BNIP1: variants seen among roughly 807,000 people sequenced by gnomAD.
BNIP1 encodes BCL2 interacting protein 1.
Under a neutral mutation model 28.5 loss-of-function variants are expected in BNIP1, and 25 were observed. The observed-to-expected ratio is 0.88, with a 90% CI of 0.64 to 1.23. The LOEUF (loss-of-function observed/expected upper bound fraction) is 1.23, where lower values mean the gene tolerates loss of function less well. BNIP1 is among the 50% of genes most tolerant of loss of function. BNIP1 has a pLI of 0.00. For synonymous variants in BNIP1, 118 were observed against 101.7 expected (o/e 1.16, Z -0.96); for missense variants, 276 against 277.0 (o/e 1.00, Z 0.02).
In BNIP1 at chr5:173,148,086, ATATAT is replaced by A. The variant is rs1759909119; in HGVS notation, c.177+1129_177+1133del. 3.3e-3 allele frequency among the ~76,000 whole-genome samples: 76 copies of A among 23,104 alleles called. 1 individual carries two copies. The highest frequency in any genetic ancestry group is 4.0e-3 in the African/African-American group (18 of 4,548). 15.2% of individuals were successfully genotyped at this position (23,104 alleles called of 152,430 possible). ...TCAAAAAAAAAAAAAAAAAAAAAAT[ATATAT>A]ATATATATATATATATATATATATA... On this transcript the variant is annotated intron_variant, in intron 2 of 5. Coordinates refer to ENST00000351486, the MANE Select transcript of BNIP1 (RefSeq NM_001205.3).
intron 2 of BNIP1, among the ~76,000 whole-genome samples, chr5:173,148,726 G>A (rs1186223924): frequency 6.7e-6 from 1 of 149,388 alleles, no homozygotes; most frequent in Non-Finnish European, 1.5e-5. Context: ...CCCTCTACTT[G>A]AAGCACTAGG....
intron 2 of BNIP1, among the ~76,000 whole-genome samples, chr5:173,147,571 T>C (rs1283434369): frequency 2.2e-5 from 3 of 135,778 alleles, no homozygotes; most frequent in Non-Finnish European, 3.3e-5. Flanking sequence ...ACTACCTCAA[T>C]CCATCACACT....
intron 2 of BNIP1, among the ~76,000 whole-genome samples, chr5:173,150,263 A>C (rs984653325): frequency 5.9e-5 from 9 of 152,112 alleles, no homozygotes; most frequent in African/African-American, 2.2e-4. Context: ...GTCTCAAAAA[A>C]AAAAAAAAAA....
rs544152001 is a variant in BNIP1 at position 173,147,698 on chromosome 5, T to G, written c.177+740T>G. 2.0e-4 allele frequency among the ~76,000 whole-genome samples: 31 copies of G among 152,170 alleles called. No individual in the cohort carries two copies. In the East Asian group the frequency reaches 5.0e-3, roughly 25 times the overall value. On this transcript the variant is annotated intron_variant, in intron 2 of 5. Coordinates refer to ENST00000351486, the MANE Select transcript of BNIP1 (RefSeq NM_001205.3). ...ATTCAAGTATGGTATATGTGCTGTC[T>G]CAAAAAACACTAGAGGGTGACAAGT... is the stretch of plus-strand genomic sequence containing the variant.
At position 173,159,987 on chromosome 5, in the gene BNIP1, C is replaced by T; in HGVS notation, c.426C>T (p.Leu142=). Reference sequence around the variant, plus strand: ...CATCCAGTACCATCACTGAGAGCCTCATGGGGATCAGCAGGATGATGGCCC... The same window carrying T: ...CATCCAGTACCATCACTGAGAGCCTTATGGGGATCAGCAGGATGATGGCCC... ...AQTSSTITES[L]MGISRMMAQQ... Residue 142 remains leucine (L), a synonymous_variant, in exon 5 of 6, where the codon CTC becomes CTT. Transcript: ENST00000351486. 1 of 1,614,122 alleles carries T rather than the reference C, an allele frequency of 6.2e-7. No homozygotes were observed. The highest frequency in any genetic ancestry group is 2.2e-5 in the East Asian group (1 of 44,872).
chr5:173,154,288 A>T, intron 2 of BNIP1, 34 bp from the exon 3 acceptor site: 1 of 1,588,878 alleles, frequency 6.3e-7, no homozygotes, highest in Non-Finnish European at 8.6e-7. Context: ...TGACTTTTGA[A>T]ATCATTTTAA....
chr5:173,162,860 C>T (rs1348825112), intron 5 of BNIP1, among the ~76,000 whole-genome samples: 3 of 152,184 alleles, frequency 2.0e-5, no homozygotes, highest in Non-Finnish European at 2.9e-5. Flanking sequence ...CAGAGGCAAC[C>T]TCTGTAACCA....
chr5:173,144,740 A>ATGGGGCGGAGCCTGTGGT, intron 1 of BNIP1, 111 bp downstream of exon 1: 1 of 1,145,958 alleles, frequency 8.7e-7, no homozygotes, highest in Non-Finnish European at 1.2e-6. Flanking sequence ...TTCCCAGACC[A>ATGGGGCGGAGCCTGTGGT]CAGGCTCCGC....
At chr5:173,145,875 A>G (rs1324171981) in intron 1 of BNIP1, among the ~76,000 whole-genome samples, 29 of 152,236 alleles carry the variant, frequency 1.9e-4, no homozygotes, top group Admixed American at 1.6e-3. Context: ...GGTGCAAAGA[A>G]GTGTGATTAA....
At chr5:173,153,431 G>A (rs1760080921) in intron 2 of BNIP1, among the ~76,000 whole-genome samples, 1 of 152,052 alleles carries the variant, frequency 6.6e-6, no homozygotes, top group Non-Finnish European at 1.5e-5. Context: ...GTTTCACCAT[G>A]TTAGCCAGGA....
At position 173,164,368 on chromosome 5, in the gene BNIP1, G is replaced by A. The variant is rs5745177; in HGVS notation, c.*447G>A. The stretch of plus-strand genomic sequence containing the variant: ...TTGATTTTATTTAATAGAATAAAAT[G>A]TATTTGATTTTGTAAGATAGCCCTC... On this transcript the variant is annotated 3_prime_UTR_variant, in exon 6 of 6. Transcript: ENST00000351486. This position sits in a 1 kb window ranked among gnomAD's most constrained non-coding sequence, Gnocchi z 4.0. The A allele has an allele frequency of 0.018, 2,811 of 153,650 alleles. 25 individuals are homozygous for A. The highest frequency in any genetic ancestry group is 0.03 in the Non-Finnish European group (2,050 of 69,030). 9.5% of individuals were successfully genotyped at this position (153,650 alleles called of 1,614,324 possible). A position where few individuals can be genotyped will look rare whatever the true frequency, so the allele number is the denominator to read the frequency against.
Position 173,158,776 on chromosome 5 carries a change from C to A in BNIP1, c.302C>A (p.Thr101Asn). 2.5e-6 allele frequency: 4 copies of A among 1,614,080 alleles called. No individual in the cohort carries two copies. Among genetic ancestry groups the A allele is most frequent in the Non-Finnish European group, 3.4e-6 (4 of 1,180,004 alleles). Residue 101 changes from threonine to asparagine, a missense_variant, in exon 4 of 6, where the codon ACC (threonine) becomes AAC (asparagine). By Grantham distance (65) the Thr-to-Asn change is moderately conservative. Transcript: ENST00000351486. ...GCCTCATGGAGGAAAGCTAATCTCA[C>A]CTGCAAAATTGCAATCGACAATCTA... Reference protein sequence around the residue: ...NQASWRKANLTCKIAIDNLEK... With the variant: ...NQASWRKANLNCKIAIDNLEK...
chr5:173,151,001 A>C (rs1760001326), intron 2 of BNIP1, among the ~76,000 whole-genome samples: 1 of 151,882 alleles, frequency 6.6e-6, no homozygotes, highest in Non-Finnish European at 1.5e-5. Flanking sequence ...ACACACAGCT[A>C]ATTTTTCGTA....
chr5:173,153,015 A>G (rs1760066216), intron 2 of BNIP1, among the ~76,000 whole-genome samples: 1 of 152,002 alleles, frequency 6.6e-6, no homozygotes, highest in Non-Finnish European at 1.5e-5. Flanking sequence ...TGGTTCTTTT[A>G]TCTGAAGTTC....
rs774205290 is a variant in BNIP1, at chr5:173,144,596, C to T, written c.51C>T (p.Val17=). 3 of 1,614,080 alleles carry T rather than the reference C, an allele frequency of 1.9e-6. No individual in the cohort carries two copies. The African/African-American group carries it at 4.0e-5, about 22-fold the overall frequency. The stretch of plus-strand genomic sequence containing the variant: ...TCCGGATCTGTAACCAAGAGATTGT[C>T]AAATTTGACCTGGAGGTGAAGGCGC... ...VHVRICNQEI[V]KFDLEVKALI... is the part of the protein sequence containing the mutation. The change falls in exon 1 of 6, where the codon GTC becomes GTT. Residue 17 remains valine, a synonymous_variant. Coordinates refer to ENST00000351486, the MANE Select transcript of BNIP1 (RefSeq NM_001205.3).
chr5:173,146,963 G>T lies in BNIP1; in HGVS notation c.177+5G>T, dbSNP rs773235722. Reference sequence around the variant, plus strand: ...CAGTTGCGTCACAGAATACAGGTGGGTATTCTCAATTCAGTCAATGAAGGG... The same window carrying T: ...CAGTTGCGTCACAGAATACAGGTGGTTATTCTCAATTCAGTCAATGAAGGG... On this transcript the variant is annotated splice_donor_5th_base_variant and intron_variant, in intron 2 of 5. Transcript: ENST00000351486. 4.6e-5 allele frequency: 74 copies of T among 1,608,668 alleles called. No individual in the cohort carries two copies. Among genetic ancestry groups the T allele is most frequent in the Non-Finnish European group, 6.0e-5 (71 of 1,175,278 alleles).
chr5:173,148,700 C>T (rs5745116), intron 2 of BNIP1, among the ~76,000 whole-genome samples: 14,837 of 151,974 alleles, frequency 0.098, 830 homozygotes, highest in South Asian at 0.16. Flanking sequence ...ACATTCCTGC[C>T]GGCTCCTCTT....
intron 2 of BNIP1, among the ~76,000 whole-genome samples, chr5:173,148,934 C>G (rs1360139127): frequency 6.6e-6 from 1 of 152,112 alleles, no homozygotes; most frequent in African/African-American, 2.4e-5. Context: ...CTTACGTTCT[C>G]CATTTTTATT....
chr5:173,159,269 C>T (rs255299), intron 4 of BNIP1, among the ~76,000 whole-genome samples: 74,771 of 151,906 alleles, frequency 0.49, 19,481 homozygotes, highest in Non-Finnish European at 0.59. Flanking sequence ...GAACTCCTGA[C>T]TTCTGGTGAT....
Sources: gnomAD v4.1 joint callset for allele counts (sites outside exome capture counted in the v4.1 genomes callset) on GRCh38, gnomAD v4.1.1 for gene constraint, Gnocchi (gnomAD v3.1) non-coding constraint, MANE v1.5 for transcripts, NCBI Gene and HGNC (gene_info 2026-07-23, HGNC 2026-07-21) for gene names.